The following MED13 variants were observed in gnomAD, a reference collection of about 807,000 sequenced individuals.
MED13 encodes mediator complex subunit 13.
Under a neutral mutation model 225.2 loss-of-function variants are expected in MED13, and 23 were observed. The observed-to-expected ratio is 0.10, with a 90% confidence interval of 0.07 to 0.14. MED13 has a LOEUF of 0.14. MED13 is among the 10% of genes least tolerant of loss of function. The pLI is 1.00. For missense variants in MED13, 2,197 were observed against 2,594.5 expected, an observed-to-expected ratio of 0.85 and a Z score of 3.33; for synonymous variants, 942 against 889.2, an observed-to-expected ratio of 1.06 and a Z score of -1.06.
At chr17:62,050,742 G>A (rs1331319711) in intron 3 of MED13, among the ~76,000 whole-genome samples, 3 of 152,188 alleles carry the variant, frequency 2.0e-5, no homozygotes, top group African/African-American at 7.2e-5. Flanking sequence ...AGTGGCTCAC[G>A]CCTGTAATCC....
In MED13 at chr17:62,031,610, G is replaced by A; in HGVS notation, c.843C>T (p.Cys281=). The change falls in exon 6 of 30, where the codon TGC becomes TGT. Residue 281 remains cysteine (C), a synonymous_variant. Coordinates refer to ENST00000397786, the MANE Select transcript of MED13 (RefSeq NM_005121.3). ...VAGVRMIYPA[C]FVLVPQSDIP... The stretch of plus-strand genomic sequence containing the variant: ...TGTCTGACTGAGGGACTAGAACAAA[G>A]CATGCTGGGTAGATCATTCGGACAC... 5 of 1,611,678 alleles carry A rather than the reference G, an allele frequency of 3.1e-6. No homozygotes were observed. The highest frequency in any genetic ancestry group is 1.3e-5 in the African/African-American group (1 of 74,898).
intron 18 of MED13, 145 bp downstream of exon 18, chr17:61,967,890 G>C: frequency 1.5e-6 from 1 of 652,436 alleles, no homozygotes; most frequent in Non-Finnish European, 2.6e-6. Context: ...ACTCAGCAAA[G>C]AATGTAACTG....
chr17:62,060,907 C>T (rs1023109584), intron 2 of MED13, among the ~76,000 whole-genome samples: 1 of 151,932 alleles, frequency 6.6e-6, no homozygotes, highest in African/African-American at 2.4e-5. Flanking sequence ...ACCATGTTGG[C>T]CAGGATGGTC....
chr17:62,023,625 CA>C (rs1340479145), intron 8 of MED13, among the ~76,000 whole-genome samples: 1 of 152,166 alleles, frequency 6.6e-6, no homozygotes, highest in African/African-American at 2.4e-5. Context: ...CTCCAGAAAG[CA>C]AACGAGTCTA....
intron 9 of MED13, among the ~76,000 whole-genome samples, chr17:62,000,298 T>A (rs2080383243): frequency 6.6e-6 from 1 of 152,204 alleles, no homozygotes; most frequent in Non-Finnish European, 1.5e-5. Context: ...CCACTAGTTC[T>A]CTGTTTCTAC....
intron 9 of MED13, among the ~76,000 whole-genome samples, chr17:61,999,303 C>T (rs1156976481): frequency 2.6e-5 from 4 of 152,112 alleles, no homozygotes; most frequent in Non-Finnish European, 5.9e-5. Context: ...AAATACAGTT[C>T]TTTCTTTGCT....
At chr17:61,973,956 T>A (rs544288332) in intron 16 of MED13, among the ~76,000 whole-genome samples, 2 of 152,004 alleles carry the variant, frequency 1.3e-5, no homozygotes, top group Non-Finnish European at 2.9e-5. Flanking sequence ...GCACTCCAGC[T>A]TGGGTGACAA....
At chr17:62,008,360 A>G (rs1263959108) in intron 9 of MED13, among the ~76,000 whole-genome samples, 1 of 148,902 alleles carries the variant, frequency 6.7e-6, no homozygotes, top group Non-Finnish European at 1.5e-5. Context: ...TAGCCTTTCA[A>G]GTGCCCAGCA....
chr17:61,998,388 T>A (rs1178808625), intron 9 of MED13, among the ~76,000 whole-genome samples: 1 of 152,322 alleles, frequency 6.6e-6, no homozygotes, highest in Admixed American at 6.5e-5. Context: ...TCTTTCCTTT[T>A]ACTATGACAA....
intron 11 of MED13, among the ~76,000 whole-genome samples, chr17:61,988,214 T>C (rs2080265102): frequency 6.6e-6 from 1 of 152,136 alleles, no homozygotes. Context: ...TGTAATAGAA[T>C]GTTGGTAATG....
At chr17:62,048,051 T>G (rs868838810) in intron 3 of MED13, among the ~76,000 whole-genome samples, 1 of 144,814 alleles carries the variant, frequency 6.9e-6, no homozygotes, top group Non-Finnish European at 1.5e-5. Context: ...TACATATATA[T>G]ATATATATAT....
chr17:61,994,045 C>T (rs575416719), intron 10 of MED13, among the ~76,000 whole-genome samples: 2 of 151,462 alleles, frequency 1.3e-5, no homozygotes, highest in East Asian at 3.9e-4. Context: ...TGTCACCAGG[C>T]AGAAGTTCAC....
chr17:62,015,961 T>A (rs1213989856), intron 8 of MED13, among the ~76,000 whole-genome samples: 2,116 of 19,010 alleles, frequency 0.11, 222 homozygotes, highest in East Asian at 0.5. Context: ...TATATTTTTT[T>A]TTTTTTTTTT....
In MED13 at chr17:62,065,158, G is replaced by A. The variant is rs762821092; in HGVS notation, c.48C>T (p.His16=). 25 of 1,581,394 alleles carry A rather than the reference G, an allele frequency of 1.6e-5. No homozygotes were observed. Among genetic ancestry groups the A allele is most frequent in the Non-Finnish European group, 1.9e-5 (22 of 1,165,516 alleles). The stretch of plus-strand genomic sequence containing the variant: ...CACTCACCAGGCAGAAGAGGTTACA[G>A]TGACAATCTTCCAGGCTGGCCCCGT... ...VPNGASLEDC[H]CNLFCLADLT... The change falls in exon 1 of 30, where the codon CAC becomes CAT. Residue 16 remains histidine (H), a synonymous_variant. Transcript: ENST00000397786.
At chr17:62,022,282 C>CT (rs1270882986) in intron 8 of MED13, among the ~76,000 whole-genome samples, 3 of 151,400 alleles carry the variant, frequency 2.0e-5, no homozygotes, top group Non-Finnish European at 4.4e-5. Context: ...TATTCTGAGC[C>CT]TAGGACACCT....
intron 8 of MED13, among the ~76,000 whole-genome samples, chr17:62,015,946 ATATATATATTTTT>A (rs2080571430): frequency 7.4e-5 from 1 of 13,598 alleles, no homozygotes; most frequent in African/African-American, 2.4e-4. Flanking sequence ...ATATATATAT[ATATATATATTTTT>A]TTTTTTTTTT....
chr17:61,984,204 G>A lies in MED13; in HGVS notation c.2855C>T (p.Ser952Phe). 6.3e-7 allele frequency: 1 copy of A among 1,598,996 alleles called. No individual in the cohort carries two copies. Among genetic ancestry groups the A allele is most frequent in the South Asian group, 1.1e-5 (1 of 88,504 alleles). ...GATGAATGGCATTGAAGGCCCTGAA[G>A]AAAGCAATTCCAATTTTCCAACAGT... The part of the protein sequence containing the change: ...SWTVGKLELL[S>F]SGPSMPFIKE... The change falls in exon 15 of 30, where the codon TCT becomes TTT. Residue 952 changes from serine (S) to phenylalanine (F), a missense_variant. This residue lies in a region of MED13 where 160 missense variants were observed against 184.8 expected (regional missense o/e 0.87). Transcript: ENST00000397786.
intron 5 of MED13, among the ~76,000 whole-genome samples, chr17:62,032,050 A>G (rs955625835): frequency 6.6e-6 from 1 of 151,966 alleles, no homozygotes; most frequent in Non-Finnish European, 1.5e-5. Flanking sequence ...ACTTTTCTAT[A>G]TGCCTCTATT....
intron 11 of MED13, among the ~76,000 whole-genome samples, chr17:61,991,926 G>A (rs1334453659): frequency 1.3e-5 from 2 of 152,180 alleles, no homozygotes; most frequent in African/African-American, 4.8e-5. Flanking sequence ...GATTACGGGC[G>A]TGAGCCACGG....
Sources: allele counts gnomAD v4.1 joint callset (sites outside exome capture counted in the v4.1 genomes callset), GRCh38; gene constraint gnomAD v4.1.1; regional missense constraint gnomAD v4.1.1; transcripts MANE v1.5; gene names NCBI Gene and HGNC (gene_info 2026-07-23, HGNC 2026-07-21).